Variants in EPN2 observed in about 807,000 individuals in gnomAD.
The protein encoded by EPN2 is epsin 2, also known as epsin-2.
Under a neutral mutation model 61.7 loss-of-function variants are expected in EPN2, and 34 were observed. The observed-to-expected ratio is 0.55, with a 90% CI of 0.42 to 0.73. EPN2 has a LOEUF of 0.73. Ranked by LOEUF, EPN2 falls within the 30% of genes least tolerant of loss-of-function variation. EPN2 has a pLI of 0.00. For missense variants in EPN2, 714 were observed against 839.2 expected, an observed-to-expected ratio of 0.85 and a Z score of 1.84; for synonymous variants, 349 against 353.6, an observed-to-expected ratio of 0.99 and a Z score of 0.15.
At position 19,283,895 on chromosome 17, in the gene EPN2, G is replaced by A. The variant is rs917022255; in HGVS notation, c.595+181G>A. ...TCTGGATTGAGTTTTGGTTATAAAG[G>A]GACTTTTAGTCCCTTGGCTGCTCTG... On this transcript the variant is annotated intron_variant, in intron 3 of 10. Coordinates refer to ENST00000314728, the MANE Select transcript of EPN2 (RefSeq NM_014964.5). This position sits in a 1 kb window ranked among gnomAD's most constrained non-coding sequence, Gnocchi z 7.0. Among the ~76,000 whole-genome samples, 1 of 152,176 alleles carries A rather than the reference G, an allele frequency of 6.6e-6. No homozygotes were observed. Among genetic ancestry groups the A allele is most frequent in the African/African-American group, 2.4e-5 (1 of 41,440 alleles).
At chr17:19,312,167 G>A in intron 6 of EPN2, 23 bp downstream of exon 6, 2 of 1,539,380 alleles carry the variant, frequency 1.3e-6, no homozygotes, top group Non-Finnish European at 1.8e-6. Flanking sequence ...TGGGAGGGTA[G>A]ATGTTTCACC....
At chr17:19,257,768 T>C (rs1309431918) in intron 1 of EPN2, among the ~76,000 whole-genome samples, 2 of 152,182 alleles carry the variant, frequency 1.3e-5, no homozygotes, top group African/African-American at 4.8e-5. Context: ...TCCACCCGCC[T>C]TGGCCTCCCA....
intron 7 of EPN2, among the ~76,000 whole-genome samples, chr17:19,325,106 G>A (rs564501452): frequency 1.3e-3 from 198 of 152,140 alleles, no homozygotes; most frequent in Non-Finnish European, 2.5e-3. Flanking sequence ...GTATGGAATC[G>A]GTATTTAAAA....
At chr17:19,320,383 T>A (rs1906586403) in intron 7 of EPN2, among the ~76,000 whole-genome samples, 1 of 152,134 alleles carries the variant, frequency 6.6e-6, no homozygotes, top group African/African-American at 2.4e-5. Context: ...AGACCAGAGC[T>A]TGTCTCCACC....
chr17:19,247,063 C>T (rs941362543), intron 1 of EPN2, among the ~76,000 whole-genome samples: 1 of 151,410 alleles, frequency 6.6e-6, no homozygotes, highest in Non-Finnish European at 1.5e-5. Context: ...AGCCACTGCG[C>T]CCAGCCCCCT....
At chr17:19,315,218 G>C (rs1037734547) in intron 7 of EPN2, among the ~76,000 whole-genome samples, 3 of 152,248 alleles carry the variant, frequency 2.0e-5, no homozygotes, top group Non-Finnish European at 2.9e-5. Flanking sequence ...TTTGGCTGGT[G>C]AACAGGGCTG....
At chr17:19,296,634 A>C (rs1034322094) in intron 4 of EPN2, 1 of 152,168 alleles carries the variant, frequency 6.6e-6, no homozygotes, top group African/African-American at 2.4e-5. Flanking sequence ...GTTTTGAGAC[A>C]GTGTCTTGCT....
chr17:19,255,535 C>T (rs2045066783), intron 1 of EPN2, among the ~76,000 whole-genome samples: 1 of 144,216 alleles, frequency 6.9e-6, no homozygotes, highest in African/African-American at 2.6e-5. Flanking sequence ...TTTGACTGTA[C>T]CTTAATCAGC....
intron 4 of EPN2, among the ~76,000 whole-genome samples, chr17:19,308,899 T>C (rs1218915121): frequency 6.6e-6 from 1 of 152,136 alleles, no homozygotes; most frequent in Non-Finnish European, 1.5e-5. Context: ...TCCCGTGGGG[T>C]TTGTTACATC....
At chr17:19,263,692 A>T (rs1426712742) in intron 1 of EPN2, among the ~76,000 whole-genome samples, 1 of 152,244 alleles carries the variant, frequency 6.6e-6, no homozygotes, top group Admixed American at 6.5e-5. Flanking sequence ...CCCCTGGGTC[A>T]GTGCCTGGCA....
At chr17:19,293,951 G>A (rs1336312489) in intron 4 of EPN2, among the ~76,000 whole-genome samples, 1 of 151,974 alleles carries the variant, frequency 6.6e-6, no homozygotes, top group African/African-American at 2.4e-5. Context: ...TTAGTCGGGT[G>A]TGGTGGTGGA....
At position 19,282,932 on chromosome 17, in the gene EPN2, G is replaced by A; in HGVS notation, c.-170-18G>A. 1 of 573,094 alleles carries A rather than the reference G, an allele frequency of 1.7e-6. No individual in the cohort carries two copies. Among genetic ancestry groups the A allele is most frequent in the Non-Finnish European group, 3.1e-6 (1 of 324,236 alleles). 35.5% of individuals were successfully genotyped at this position (573,094 alleles called of 1,614,324 possible). On this transcript the variant is annotated intron_variant, in intron 2 of 10. Coordinates refer to ENST00000314728, the MANE Select transcript of EPN2 (RefSeq NM_014964.5). Reference sequence around the variant, plus strand: ...AGGGGGCTTACGTCGCAGTGGAATGGGTTTTCTCTTTCTCTAGGTCATGGC... The same window carrying A: ...AGGGGGCTTACGTCGCAGTGGAATGAGTTTTCTCTTTCTCTAGGTCATGGC...
At chr17:19,271,530 TGCTCTTGTGG>T (rs2045253644) in intron 1 of EPN2, 1 of 152,300 alleles carries the variant, frequency 6.6e-6, no homozygotes, top group South Asian at 2.1e-4. Flanking sequence ...AAGGTGAGCC[TGCTCTTGTGG>T]TCTCTAAGAT....
At chr17:19,307,974 G>A in intron 4 of EPN2, 1 of 985,256 alleles carries the variant, frequency 1.0e-6, no homozygotes, top group Non-Finnish European at 1.2e-6. Flanking sequence ...ATTTAGATTG[G>A]AAAGTAAGGC....
At chr17:19,307,931 G>A (rs1905931168) in intron 4 of EPN2, 1 of 985,244 alleles carries the variant, frequency 1.0e-6, no homozygotes, top group Non-Finnish European at 1.2e-6. Context: ...TAACCTTTTA[G>A]TTTCTCTCAA....
Position 19,285,614 on chromosome 17 carries a change from C to A in EPN2, c.596-6C>A. 1.3e-6 allele frequency: 2 copies of A among 1,528,820 alleles called. No homozygotes were observed. The highest frequency in any genetic ancestry group is 2.4e-5 in the East Asian group (1 of 40,994). The allele number at this position is 1,528,820 out of a possible 1,614,324, so 94.7% of individuals were successfully genotyped here. ...CTGTGTGTGTGTGTGTGTCCCTGCC[C>A]CACAGCGCCTGAGGCCTCGCTGTGC... On this transcript the variant is annotated splice_region_variant and splice_polypyrimidine_tract_variant and intron_variant, in intron 3 of 10. Transcript: ENST00000314728. The surrounding 1 kb of genome is among the most constrained non-coding windows in gnomAD (Gnocchi z 4.5).
At chr17:19,263,079 C>T (rs777436259) in intron 1 of EPN2, among the ~76,000 whole-genome samples, 5 of 152,214 alleles carry the variant, frequency 3.3e-5, no homozygotes, top group African/African-American at 4.8e-5. Flanking sequence ...TTTCCTGTCT[C>T]TGGATAGATA....
Position 19,283,844 on chromosome 17 carries a change from T to A in EPN2, c.595+130T>A. 1 of 688,640 alleles carries A rather than the reference T, an allele frequency of 1.5e-6. No individual in the cohort carries two copies. Among genetic ancestry groups the A allele is most frequent in the African/African-American group, 1.8e-5 (1 of 55,612 alleles). The allele number at this position is 688,640 out of a possible 1,614,324, so 42.7% of individuals were successfully genotyped here. A position where few individuals can be genotyped will look rare whatever the true frequency, so the allele number is the denominator to read the frequency against. On this transcript the variant is annotated intron_variant, in intron 3 of 10. Transcript: ENST00000314728. This position sits in a 1 kb window ranked among gnomAD's most constrained non-coding sequence, Gnocchi z 7.0. ...GAACCTGTCCTCAGTACCCAGCTTTTGGTGGCCCAGGCAAATTGTCCTTGG... is the reference window on the plus strand; with the variant it reads ...GAACCTGTCCTCAGTACCCAGCTTTAGGTGGCCCAGGCAAATTGTCCTTGG...
intron 1 of EPN2, among the ~76,000 whole-genome samples, chr17:19,275,580 C>T (rs1193246356): frequency 6.6e-6 from 1 of 152,116 alleles, no homozygotes; most frequent in Non-Finnish European, 1.5e-5. Flanking sequence ...ACAGGTGGTC[C>T]AGTCTGGATT....
Sources: allele counts gnomAD v4.1 joint callset (sites outside exome capture counted in the v4.1 genomes callset), GRCh38; gene constraint gnomAD v4.1.1; non-coding constraint Gnocchi (gnomAD v3.1); transcripts MANE v1.5; gene names NCBI Gene and HGNC (gene_info 2026-07-23, HGNC 2026-07-21).